The following KIF26B variants were observed in gnomAD, a reference collection of about 807,000 sequenced individuals.
The protein encoded by KIF26B is kinesin family member 26B.
A neutral mutation model predicts 151.2 loss-of-function variants in KIF26B; 63 were observed. The ratio of observed to expected loss-of-function variants is 0.42; its 90% CI spans 0.34 to 0.51. KIF26B has a LOEUF of 0.51. Ranked by LOEUF, KIF26B falls within the 20% of genes least tolerant of loss-of-function variation. The pLI, the probability that KIF26B is intolerant of heterozygous loss-of-function variation, is 0.07. For synonymous variants in KIF26B, 1,357 were observed against 1,262.1 expected (o/e 1.08, Z -1.59); for missense variants, 2,813 against 2,913.6 (o/e 0.97, Z 0.79).
rs1042771903 is a variant in KIF26B at position 245,395,188 on chromosome 1, T to C, written c.1000-24391T>C. On this transcript the variant is annotated intron_variant, in intron 3 of 14. Transcript: ENST00000407071. ...ATGTAATACTAGGTTCAAATGTGAGTAGATTTGAGTGCATGTCGATGTTGA... is the reference window on the plus strand; with the variant it reads ...ATGTAATACTAGGTTCAAATGTGAGCAGATTTGAGTGCATGTCGATGTTGA... 2.0e-5 allele frequency among the ~76,000 whole-genome samples: 3 copies of C among 152,138 alleles called. No homozygotes were observed. The East Asian group carries it at 5.8e-4, about 29-fold the overall frequency.
chr1:245,552,427 TA>T (rs34171981), intron 5 of KIF26B, among the ~76,000 whole-genome samples: 2 of 151,452 alleles, frequency 1.3e-5, no homozygotes, highest in Admixed American at 1.3e-4. Flanking sequence ...TAATCTCATC[TA>T]AAAAAATACC....
At position 245,505,979 on chromosome 1, in the gene KIF26B, C is replaced by T. The variant is rs570222691; in HGVS notation, c.1167-34788C>T. Among the ~76,000 whole-genome samples, 8 of 152,194 alleles carry T rather than the reference C, an allele frequency of 5.3e-5. No individual in the cohort carries two copies. In the East Asian group the frequency reaches 5.8e-4, roughly 11 times the overall value. ...ATTCTAAGGTAATTTGGGTATGATTCGTTTAGAGTTTTTCATTATTTACAA... is the reference window on the plus strand; with the variant it reads ...ATTCTAAGGTAATTTGGGTATGATTTGTTTAGAGTTTTTCATTATTTACAA... On this transcript the variant is annotated intron_variant, in intron 4 of 14. Transcript: ENST00000407071.
chr1:245,684,558 G>C (rs2044484965), intron 11 of KIF26B, among the ~76,000 whole-genome samples, 163 bp downstream of exon 11: 1 of 152,130 alleles, frequency 6.6e-6, no homozygotes, highest in Non-Finnish European at 1.5e-5. Context: ...TTGGGGCAGG[G>C]AAACCTTGGG....
chr1:245,663,294 AGTTT>A (rs1306724068), intron 10 of KIF26B, among the ~76,000 whole-genome samples: 1 of 150,774 alleles, frequency 6.6e-6, no homozygotes, highest in Non-Finnish European at 1.5e-5. Context: ...TTTTTCTTAT[AGTTT>A]GTTTGGTTTT....
chr1:245,397,610 A>G (rs1477529028), intron 3 of KIF26B, among the ~76,000 whole-genome samples: 1 of 152,248 alleles, frequency 6.6e-6, no homozygotes. Context: ...GAATAAATGA[A>G]TGAATGAGTG....
chr1:245,204,205 G>A (rs1409757591), intron 2 of KIF26B, among the ~76,000 whole-genome samples: 1 of 152,158 alleles, frequency 6.6e-6, no homozygotes, highest in African/African-American at 2.4e-5. Context: ...AGGTACATCA[G>A]GCCTAGGAGA....
At chr1:245,654,832 C>CTT (rs2044056228) in intron 10 of KIF26B, among the ~76,000 whole-genome samples, 1 of 152,234 alleles carries the variant, frequency 6.6e-6, no homozygotes, top group Non-Finnish European at 1.5e-5. Flanking sequence ...GAGGTTATCA[C>CTT]CCAGGCTGTG....
chr1:245,303,266 T>G (rs1671468860), intron 2 of KIF26B, among the ~76,000 whole-genome samples: 1 of 145,818 alleles, frequency 6.9e-6, no homozygotes, highest in African/African-American at 2.5e-5. Context: ...TGGCGCGATC[T>G]CGGCTCACTG....
chr1:245,453,263 A>C (rs183036140), intron 4 of KIF26B, among the ~76,000 whole-genome samples: 3 of 152,214 alleles, frequency 2.0e-5, no homozygotes, highest in African/African-American at 7.2e-5. Context: ...AAGAGTGGCA[A>C]TTTCAAGCAG....
Position 245,540,636 on chromosome 1 carries a change from A to G in KIF26B, c.1167-131A>G. On this transcript the variant is annotated intron_variant, in intron 4 of 14. Transcript: ENST00000407071. The surrounding 1 kb of genome is among the most constrained non-coding windows in gnomAD (Gnocchi z 4.6). ...ATAGTAAGGGACTGCTACAGAGGACACTGAGCAGGAGGAGAGAAGGAATGA... is the reference window on the plus strand; with the variant it reads ...ATAGTAAGGGACTGCTACAGAGGACGCTGAGCAGGAGGAGAGAAGGAATGA... 2.4e-6 allele frequency: 2 copies of G among 832,104 alleles called. No individual in the cohort carries two copies. Among genetic ancestry groups the G allele is most frequent in the Non-Finnish European group, 4.3e-6 (2 of 468,334 alleles). 51.5% of individuals were successfully genotyped at this position (832,104 alleles called of 1,614,324 possible). A position where few individuals can be genotyped will look rare whatever the true frequency, so the allele number is the denominator to read the frequency against.
At chr1:245,299,805 C>T (rs1388772429) in intron 2 of KIF26B, among the ~76,000 whole-genome samples, 2 of 152,280 alleles carry the variant, frequency 1.3e-5, no homozygotes, top group Admixed American at 1.3e-4. Context: ...TCAGCAATAG[C>T]CACCATTTTA....
At chr1:245,378,287 GTTAC>G (rs112615186) in intron 3 of KIF26B, among the ~76,000 whole-genome samples, 2,078 of 141,846 alleles carry the variant, frequency 0.015, 42 homozygotes, top group African/African-American at 0.043. Context: ...ACTAGTAATA[GTTAC>G]TTACCATCCC....
At chr1:245,282,662 G>A (rs74153169) in intron 2 of KIF26B, among the ~76,000 whole-genome samples, 1,973 of 152,172 alleles carry the variant, frequency 0.013, 46 homozygotes, top group African/African-American at 0.044. Context: ...ATCAGACATC[G>A]CCTCCTCCAG....
At chr1:245,394,018 C>T (rs1046570233) in intron 3 of KIF26B, among the ~76,000 whole-genome samples, 7 of 152,158 alleles carry the variant, frequency 4.6e-5, no homozygotes, top group Admixed American at 4.6e-4. Flanking sequence ...GTCCTCACTG[C>T]CTGCAATATC....
chr1:245,583,413 C>G (rs575967985), intron 5 of KIF26B, among the ~76,000 whole-genome samples: 1 of 151,234 alleles, frequency 6.6e-6, no homozygotes, highest in African/African-American at 2.4e-5. Flanking sequence ...TCTCCGGGGC[C>G]AAGCCTGGCT....
intron 12 of KIF26B, among the ~76,000 whole-genome samples, chr1:245,694,243 G>C (rs2044661013): frequency 6.6e-6 from 1 of 152,202 alleles, no homozygotes; most frequent in East Asian, 1.9e-4. Context: ...TCATGGAGCT[G>C]GCCCCTTCCT....
At chr1:245,405,339 G>A (rs373184891) in intron 3 of KIF26B, among the ~76,000 whole-genome samples, 6 of 152,222 alleles carry the variant, frequency 3.9e-5, no homozygotes, top group African/African-American at 1.4e-4. Flanking sequence ...TTGCCTACCC[G>A]TGTGCAGGTT....
At chr1:245,654,151 C>G (rs2044049430) in intron 10 of KIF26B, among the ~76,000 whole-genome samples, 1 of 152,172 alleles carries the variant, frequency 6.6e-6, no homozygotes, top group African/African-American at 2.4e-5. Flanking sequence ...CTGGTCTCAC[C>G]TGTTTCTGTG....
Position 245,667,749 on chromosome 1 carries a change from C to T in KIF26B, c.2259-16484C>T, listed in dbSNP as rs2044232462. ...ACATTTGGGCCATCCAGGCAACTCA[C>T]CAAGTCCCTTCGCAGCACTCCTGAA... On this transcript the variant is annotated intron_variant, in intron 10 of 14. Transcript: ENST00000407071. This position sits in a 1 kb window ranked among gnomAD's most constrained non-coding sequence, Gnocchi z 4.3. 6.6e-6 allele frequency among the ~76,000 whole-genome samples: 1 copy of T among 152,202 alleles called. No individual in the cohort carries two copies. Among genetic ancestry groups the T allele is most frequent in the Admixed American group, 6.5e-5 (1 of 15,278 alleles).
Sources: allele counts gnomAD v4.1 joint callset (sites outside exome capture counted in the v4.1 genomes callset), GRCh38; gene constraint gnomAD v4.1.1; non-coding constraint Gnocchi (gnomAD v3.1); transcripts MANE v1.5; gene names NCBI Gene and HGNC (gene_info 2026-07-23, HGNC 2026-07-21).